Variants in CNOT4 observed in about 807,000 individuals in gnomAD.
CNOT4 encodes the protein CCR4-NOT transcription complex subunit 4, also known as CCR4-associated factor 4.
Under a neutral mutation model 73.8 loss-of-function variants are expected in CNOT4, and 8 were observed. That is an observed-to-expected ratio of 0.11 (90% CI 0.06 to 0.20). CNOT4 has a LOEUF of 0.20. CNOT4 is among the 10% of genes least tolerant of loss of function. The pLI is 1.00. For synonymous variants in CNOT4, 293 were observed against 321.1 expected, an observed-to-expected ratio of 0.91 and a Z score of 0.94; for missense variants, 564 against 883.4, an observed-to-expected ratio of 0.64 and a Z score of 4.58.
In CNOT4 at chr7:135,504,484, T is replaced by A. The variant is rs559445740; in HGVS notation, c.-93+5405A>T. 5.0e-3 allele frequency among the ~76,000 whole-genome samples: 338 copies of A among 67,008 alleles called. 31 individuals are homozygous for A. The highest frequency in any genetic ancestry group is 7.7e-3 in the Admixed American group (47 of 6,142). The allele number at this position is 67,008 out of a possible 152,430, so 44.0% of individuals were successfully genotyped here. A position where few individuals can be genotyped will look rare whatever the true frequency, so the allele number is the denominator to read the frequency against. ...CTAATTTTTTTTTTTTTTTTTTTTT[T>A]TTTTTATTTTTATTTTTTTTGAGAC... On this transcript the variant is annotated intron_variant, in intron 1 of 11. Coordinates refer to ENST00000541284, the MANE Select transcript of CNOT4 (RefSeq NM_001190850.2).
At chr7:135,441,758 T>A (rs1010650493) in intron 1 of CNOT4, among the ~76,000 whole-genome samples, 3 of 152,226 alleles carry the variant, frequency 2.0e-5, no homozygotes, top group Admixed American at 1.3e-4. Context: ...TAAAAAATGA[T>A]ATACTGATGT....
chr7:135,483,898 A>T (rs1169899913), intron 1 of CNOT4, among the ~76,000 whole-genome samples: 1 of 152,170 alleles, frequency 6.6e-6, no homozygotes, highest in Non-Finnish European at 1.5e-5. Flanking sequence ...CTACAAAAAA[A>T]CCTATAGCTA....
intron 2 of CNOT4, among the ~76,000 whole-genome samples, chr7:135,425,267 C>T (rs1245034994): frequency 6.6e-6 from 1 of 152,136 alleles, no homozygotes; most frequent in Non-Finnish European, 1.5e-5. Context: ...TGACAAACAC[C>T]CTCAAGCTGT....
intron 7 of CNOT4, among the ~76,000 whole-genome samples, chr7:135,406,592 T>C (rs550497983): frequency 6.6e-6 from 1 of 151,910 alleles, no homozygotes; most frequent in Non-Finnish European, 1.5e-5. Flanking sequence ...GCCTGGGAGG[T>C]CAAGGCTGCA....
At chr7:135,424,349 G>A (rs1279089710) in intron 2 of CNOT4, among the ~76,000 whole-genome samples, 3 of 152,144 alleles carry the variant, frequency 2.0e-5, no homozygotes, top group Non-Finnish European at 4.4e-5. Context: ...AGGCACAAAT[G>A]TAAAAAGATA....
chr7:135,379,552 G>T (rs963908661), intron 10 of CNOT4, among the ~76,000 whole-genome samples: 1 of 152,104 alleles, frequency 6.6e-6, no homozygotes, highest in African/African-American at 2.4e-5. Flanking sequence ...GGGGAGTAGG[G>T]TATGTGTGTG....
At chr7:135,506,387 C>T (rs183137621) in intron 1 of CNOT4, among the ~76,000 whole-genome samples, 99 of 152,282 alleles carry the variant, frequency 6.5e-4, no homozygotes, top group African/African-American at 2.1e-3. Context: ...ACTTCCTTCA[C>T]AAAGAGTCAA....
chr7:135,414,540 C>T (rs556049956), intron 4 of CNOT4, 108 bp from the exon 5 acceptor site: 23 of 598,728 alleles, frequency 3.8e-5, no homozygotes, highest in Non-Finnish European at 6.6e-5. Context: ...ACTACTATTA[C>T]TAATGACAAT....
chr7:135,387,545 CCT>C (rs1293693016), intron 10 of CNOT4: 4 of 966,814 alleles, frequency 4.1e-6, no homozygotes, highest in Non-Finnish European at 4.9e-6. Flanking sequence ...CACATTATCC[CCT>C]TTCATACTTT....
At chr7:135,507,937 C>T (rs1477122119) in intron 1 of CNOT4, among the ~76,000 whole-genome samples, 2 of 152,048 alleles carry the variant, frequency 1.3e-5, no homozygotes, top group East Asian at 1.9e-4. Context: ...TTATTTGGTC[C>T]CCCAAATTGG....
At chr7:135,447,777 T>C (rs1799918803) in intron 1 of CNOT4, among the ~76,000 whole-genome samples, 1 of 152,172 alleles carries the variant, frequency 6.6e-6, no homozygotes, top group Non-Finnish European at 1.5e-5. Context: ...GCCAGCTAGT[T>C]TGCAGGTGAG....
intron 1 of CNOT4, among the ~76,000 whole-genome samples, chr7:135,504,451 A>C (rs1387818356): frequency 7.4e-6 from 1 of 135,126 alleles, no homozygotes; most frequent in African/African-American, 2.8e-5. Flanking sequence ...ACGTGCCACC[A>C]CATCCGGCTA....
chr7:135,387,924 A>C (rs2129483146), intron 10 of CNOT4: 1 of 961,412 alleles, frequency 1.0e-6, no homozygotes, highest in Non-Finnish European at 1.2e-6. Context: ...TCTTATTATC[A>C]CATTTTAATT....
At chr7:135,426,368 C>T (rs774596484) in intron 2 of CNOT4, among the ~76,000 whole-genome samples, 3 of 151,988 alleles carry the variant, frequency 2.0e-5, no homozygotes, top group Non-Finnish European at 4.4e-5. Flanking sequence ...TTTGGGAGGC[C>T]AAGGCGGGCG....
chr7:135,390,754 A>G (rs892998172), intron 10 of CNOT4, among the ~76,000 whole-genome samples: 1 of 152,196 alleles, frequency 6.6e-6, no homozygotes, highest in Non-Finnish European at 1.5e-5. Flanking sequence ...ATGTATAGTA[A>G]GTAGACATTC....
chr7:135,427,414 T>C (rs1798567998), intron 2 of CNOT4, among the ~76,000 whole-genome samples: 1 of 152,192 alleles, frequency 6.6e-6, no homozygotes, highest in South Asian at 2.1e-4. Context: ...CTTTTTCTGA[T>C]CCCTTCCACT....
intron 1 of CNOT4, among the ~76,000 whole-genome samples, chr7:135,490,661 C>G (rs1803049811): frequency 6.6e-6 from 1 of 152,210 alleles, no homozygotes; most frequent in South Asian, 2.1e-4. Context: ...AACAAGCATA[C>G]TCAAAGCCTG....
rs549467593 is a variant in CNOT4 at position 135,387,296 on chromosome 7, C to T, written c.1627+6622G>A. Reference sequence around the variant, plus strand: ...AAATAACTTAAATGGCTAGACAATTCGCTGCTTCTACAGCCTCAGTTAACC... The same window carrying T: ...AAATAACTTAAATGGCTAGACAATTTGCTGCTTCTACAGCCTCAGTTAACC... On this transcript the variant is annotated intron_variant, in intron 10 of 11. Coordinates refer to ENST00000541284, the MANE Select transcript of CNOT4 (RefSeq NM_001190850.2). 2.5e-4 allele frequency: 244 copies of T among 985,180 alleles called. No homozygotes were observed. In the African/African-American group the frequency reaches 3.2e-3, roughly 13 times the overall value. The allele number at this position is 985,180 out of a possible 1,614,324, so 61.0% of individuals were successfully genotyped here.
chr7:135,486,840 T>A (rs1351652596), intron 1 of CNOT4, among the ~76,000 whole-genome samples: 5 of 152,144 alleles, frequency 3.3e-5, no homozygotes, highest in African/African-American at 9.7e-5. Context: ...CACTTTTTTT[T>A]AAAGAAATGT....
Sources: gnomAD v4.1 joint callset for allele counts (sites outside exome capture counted in the v4.1 genomes callset) on GRCh38, gnomAD v4.1.1 for gene constraint, MANE v1.5 for transcripts, NCBI Gene and HGNC (gene_info 2026-07-23, HGNC 2026-07-21) for gene names.